The following BRINP3 variants were observed in gnomAD, a reference collection of about 807,000 sequenced individuals.
BRINP3 encodes BMP/retinoic acid inducible neural specific 3, also known as BMP/retinoic acid-inducible neural-specific protein 3.
In BRINP3, 19 loss-of-function variants were observed where a neutral mutation model predicts 71.0. That is an observed-to-expected ratio of 0.27 (90% confidence interval 0.19 to 0.39). The LOEUF (loss-of-function observed/expected upper bound fraction) is 0.39, where lower values mean the gene tolerates loss of function less well. Ranked by LOEUF, BRINP3 falls within the 10% of genes least tolerant of loss-of-function variation. The pLI is 1.00. For missense variants in BRINP3, 959 were observed against 940.8 expected, an observed-to-expected ratio of 1.02 and a Z score of -0.25; for synonymous variants, 380 against 337.7, an observed-to-expected ratio of 1.13 and a Z score of -1.37.
chr1:190,225,737 T>C (rs1657306329), intron 6 of BRINP3, among the ~76,000 whole-genome samples: 1 of 151,994 alleles, frequency 6.6e-6, no homozygotes, highest in South Asian at 2.1e-4. Context: ...TGTCTTCATT[T>C]TGCTGCACAA....
At chr1:190,216,562 A>C (rs578060082) in intron 6 of BRINP3, among the ~76,000 whole-genome samples, 2 of 151,962 alleles carry the variant, frequency 1.3e-5, no homozygotes, top group Admixed American at 1.3e-4. Context: ...TGACACTTTT[A>C]TTTGCAGGCT....
intron 6 of BRINP3, among the ~76,000 whole-genome samples, chr1:190,222,895 T>A (rs751285289): frequency 6.6e-6 from 1 of 151,724 alleles, no homozygotes; most frequent in Non-Finnish European, 1.5e-5. Context: ...TGTGAACAAC[T>A]GCATGCCAAC....
rs1361928862 is a variant in BRINP3 at position 190,196,740 on chromosome 1, A to ATT, written c.961+29341_961+29342insAA. 4.3e-4 allele frequency among the ~76,000 whole-genome samples: 66 copies of ATT among 151,996 alleles called. No individual in the cohort carries two copies. The East Asian group carries it at 7.4e-3, about 17-fold the overall frequency. ...AAAAATTACCCTTTGTGTTTTAGAA[A>ATT]CAATAATTTAATTTGAGCCACTGTT... On this transcript the variant is annotated intron_variant, in intron 6 of 7. Coordinates refer to ENST00000367462, the MANE Select transcript of BRINP3 (RefSeq NM_199051.3).
In BRINP3 at chr1:190,141,625, G is replaced by C. The variant is rs185590342; in HGVS notation, c.1184+19043C>G. ...CACCCAGGCTAGTGTGAAGTGGCAC[G>C]ATCTCCGCTCACTGCAACCTCCACC... On this transcript the variant is annotated intron_variant, in intron 7 of 7. Coordinates refer to ENST00000367462, the MANE Select transcript of BRINP3 (RefSeq NM_199051.3). Among the ~76,000 whole-genome samples the C allele has an allele frequency of 1.2e-4, 15 of 122,964 alleles. No homozygotes were observed. In the East Asian group the frequency reaches 3.8e-3, roughly 31 times the overall value. The allele number at this position is 122,964 out of a possible 152,430, so 80.7% of individuals were successfully genotyped here.
intron 2 of BRINP3, among the ~76,000 whole-genome samples, chr1:190,411,229 G>A (rs190806606): frequency 1.2e-3 from 178 of 152,156 alleles, no homozygotes; most frequent in African/African-American, 4.1e-3. Context: ...ATTGATAGAG[G>A]ACAACGGGAT....
chr1:190,398,997 T>C (rs1400747706), intron 2 of BRINP3, among the ~76,000 whole-genome samples: 1 of 152,012 alleles, frequency 6.6e-6, no homozygotes, highest in Non-Finnish European at 1.5e-5. Context: ...ATTGGTCAGG[T>C]TTCATGGCTA....
At chr1:190,400,727 C>A (rs1014074503) in intron 2 of BRINP3, among the ~76,000 whole-genome samples, 4 of 152,066 alleles carry the variant, frequency 2.6e-5, no homozygotes, top group African/African-American at 9.7e-5. Flanking sequence ...ATCCAGGGAA[C>A]CCTAAAACAT....
chr1:190,216,550 G>T (rs1333214024), intron 6 of BRINP3, among the ~76,000 whole-genome samples: 1 of 151,690 alleles, frequency 6.6e-6, no homozygotes, highest in African/African-American at 2.4e-5. Flanking sequence ...TTTAAAATTC[G>T]CTGACACTTT....
chr1:190,396,780 C>T (rs1671605734), intron 2 of BRINP3, among the ~76,000 whole-genome samples: 1 of 137,448 alleles, frequency 7.3e-6, no homozygotes, highest in Non-Finnish European at 1.6e-5. Context: ...CTGATCATGT[C>T]TTCTTAAATC....
intron 2 of BRINP3, among the ~76,000 whole-genome samples, chr1:190,334,316 T>C (rs1233959231): frequency 1.3e-5 from 2 of 151,878 alleles, no homozygotes; most frequent in Admixed American, 6.6e-5. Flanking sequence ...CTGAAAAATA[T>C]GTGAATAATT....
intron 2 of BRINP3, among the ~76,000 whole-genome samples, chr1:190,412,414 T>TATATATACAC (rs1553314831): frequency 2.1e-5 from 3 of 141,272 alleles, no homozygotes; most frequent in Non-Finnish European, 4.6e-5. Context: ...TATATATATA[T>TATATATACAC]ACACTTTTTT....
chr1:190,334,387 A>C (rs1174475734), intron 2 of BRINP3, among the ~76,000 whole-genome samples: 1 of 151,866 alleles, frequency 6.6e-6, no homozygotes, highest in South Asian at 2.1e-4. Flanking sequence ...ATATGTGTGA[A>C]TTTTTTTAAA....
intron 2 of BRINP3, among the ~76,000 whole-genome samples, chr1:190,426,440 G>A (rs547489266): frequency 8.2e-4 from 125 of 151,876 alleles, no homozygotes; most frequent in African/African-American, 3.0e-3. Context: ...GTGTTTTTTG[G>A]CTTTAGGAAT....
At chr1:190,166,447 C>T (rs1330346963) in intron 6 of BRINP3, among the ~76,000 whole-genome samples, 1 of 152,136 alleles carries the variant, frequency 6.6e-6, no homozygotes, top group Non-Finnish European at 1.5e-5. Flanking sequence ...AGAAATTACT[C>T]AAATACAGCC....
intron 6 of BRINP3, among the ~76,000 whole-genome samples, chr1:190,195,431 C>A (rs1019696207): frequency 6.6e-6 from 1 of 151,890 alleles, no homozygotes; most frequent in Non-Finnish European, 1.5e-5. Flanking sequence ...AAAATGTAAT[C>A]CTAGCCCTGC....
intron 2 of BRINP3, among the ~76,000 whole-genome samples, chr1:190,320,932 G>A (rs1666196681): frequency 6.6e-6 from 1 of 151,650 alleles, no homozygotes. Flanking sequence ...CTGTGTGTGT[G>A]TTTGTATATA....
intron 2 of BRINP3, among the ~76,000 whole-genome samples, chr1:190,343,882 T>A (rs998529167): frequency 6.6e-5 from 10 of 151,720 alleles, no homozygotes; most frequent in Non-Finnish European, 1.5e-5. Flanking sequence ...AGCTTATTCC[T>A]ATAGACTTGT....
chr1:190,409,456 A>G (rs2102401808), intron 2 of BRINP3, among the ~76,000 whole-genome samples: 1 of 152,212 alleles, frequency 6.6e-6, no homozygotes, highest in African/African-American at 2.4e-5. Flanking sequence ...ACAGTCTAAT[A>G]TTTTCCCTTC....
intron 2 of BRINP3, among the ~76,000 whole-genome samples, chr1:190,432,347 T>G (rs1321715749): frequency 1.3e-5 from 2 of 152,176 alleles, no homozygotes; most frequent in Non-Finnish European, 2.9e-5. Flanking sequence ...ATAAGTTAGT[T>G]TAAGGGCCAT....
Sources: allele counts gnomAD v4.1 joint callset (sites outside exome capture counted in the v4.1 genomes callset), GRCh38; gene constraint gnomAD v4.1.1; transcripts MANE v1.5; gene names NCBI Gene and HGNC (gene_info 2026-07-23, HGNC 2026-07-21).